The following RNF150 variants were observed in gnomAD, a reference collection of about 807,000 sequenced individuals.
RNF150 encodes ring finger protein 150.
In RNF150, 24 loss-of-function variants were observed where a neutral mutation model predicts 39.3. The observed-to-expected ratio is 0.61, with a 90% confidence interval of 0.44 to 0.86. The LOEUF is 0.86. Ranked by LOEUF, RNF150 falls within the 40% of genes least tolerant of loss-of-function variation. RNF150 has a pLI of 0.00. For synonymous variants in RNF150, 255 were observed against 227.3 expected (o/e 1.12, Z -1.10); for missense variants, 502 against 587.8 (o/e 0.85, Z 1.51).
chr4:141,003,333 G>A (rs1579045195), intron 1 of RNF150, among the ~76,000 whole-genome samples: 2 of 152,256 alleles, frequency 1.3e-5, no homozygotes, highest in East Asian at 3.9e-4. Context: ...CTTAGGCAGT[G>A]CCTCTCCACC....
intron 1 of RNF150, among the ~76,000 whole-genome samples, chr4:141,174,887 GAA>G (rs548297378): frequency 1.1e-3 from 136 of 126,554 alleles, no homozygotes; most frequent in Admixed American, 2.9e-3. Flanking sequence ...CCTGTATCAG[GAA>G]AAAAAAAAAA....
chr4:141,197,089 T>C (rs531746262), intron 1 of RNF150, among the ~76,000 whole-genome samples: 29 of 152,352 alleles, frequency 1.9e-4, no homozygotes, highest in African/African-American at 6.5e-4. Flanking sequence ...TCCTTTGCGC[T>C]ATTTCCTTTT....
chr4:141,071,475 A>G, intron 1 of RNF150, among the ~76,000 whole-genome samples: 1 of 152,080 alleles, frequency 6.6e-6, no homozygotes, highest in Non-Finnish European at 1.5e-5. Flanking sequence ...TCAACAAGAA[A>G]AAAGGAAATA....
At chr4:141,198,558 T>C (rs932065236) in intron 1 of RNF150, among the ~76,000 whole-genome samples, 2 of 152,212 alleles carry the variant, frequency 1.3e-5, no homozygotes, top group African/African-American at 4.8e-5. Context: ...GAAAGTTGAA[T>C]AATGAACAGA....
intron 1 of RNF150, among the ~76,000 whole-genome samples, chr4:141,055,056 C>G (rs1178721062): frequency 6.6e-6 from 1 of 151,916 alleles, no homozygotes; most frequent in Non-Finnish European, 1.5e-5. Context: ...GTTTTTAGCT[C>G]AGAAATTGGT....
At chr4:140,919,730 C>A (rs190045420) in intron 5 of RNF150, among the ~76,000 whole-genome samples, 3,083 of 151,666 alleles carry the variant, frequency 0.02, 69 homozygotes, top group African/African-American at 0.069. Flanking sequence ...CATTGCCAAG[C>A]CAATCCTAAG....
At chr4:140,970,839 C>A (rs10519574) in intron 1 of RNF150, among the ~76,000 whole-genome samples, 68,780 of 151,838 alleles carry the variant, frequency 0.45, 16,554 homozygotes, top group East Asian at 0.74. Flanking sequence ...TGAGCTTCAA[C>A]CTTATTCATT....
intron 6 of RNF150, among the ~76,000 whole-genome samples, chr4:140,877,934 CA>C (rs1329723309): frequency 2.6e-5 from 4 of 152,002 alleles, no homozygotes; most frequent in Non-Finnish European, 5.9e-5. Context: ...AAGCAAATTT[CA>C]AGGCATGTGG....
intron 1 of RNF150, among the ~76,000 whole-genome samples, chr4:141,073,236 T>C (rs931192437): frequency 7.2e-5 from 11 of 152,118 alleles, no homozygotes; most frequent in Non-Finnish European, 2.9e-5. Context: ...ATCAGTTTTC[T>C]GCGAAGGGTC....
intron 1 of RNF150, among the ~76,000 whole-genome samples, chr4:141,032,761 A>G (rs1214140141): frequency 6.6e-6 from 1 of 152,216 alleles, no homozygotes; most frequent in East Asian, 1.9e-4. Context: ...ACAATAAAGC[A>G]AGTCACACAA....
chr4:140,892,223 G>A (rs1729779191), intron 6 of RNF150, among the ~76,000 whole-genome samples: 1 of 152,128 alleles, frequency 6.6e-6, no homozygotes, highest in Non-Finnish European at 1.5e-5. Context: ...CAATGTACGA[G>A]GGCAGATGAC....
chr4:141,146,583 G>A (rs961572402), intron 1 of RNF150, among the ~76,000 whole-genome samples: 6 of 3,924 alleles, frequency 1.5e-3, no homozygotes, highest in Admixed American at 0.012. Flanking sequence ...TCAGCAATAT[G>A]TCTCAGAAAA....
intron 6 of RNF150, among the ~76,000 whole-genome samples, chr4:140,895,857 A>G (rs1032530327): frequency 3.3e-5 from 5 of 152,230 alleles, no homozygotes; most frequent in Non-Finnish European, 5.9e-5. Flanking sequence ...AGATTTTTAA[A>G]GAATTTTTTT....
At chr4:141,183,206 GCTAC>G (rs1482846805) in intron 1 of RNF150, among the ~76,000 whole-genome samples, 1 of 152,068 alleles carries the variant, frequency 6.6e-6, no homozygotes, top group Non-Finnish European at 1.5e-5. Flanking sequence ...TCTTCAAAGG[GCTAC>G]ATATTACCAG....
intron 1 of RNF150, among the ~76,000 whole-genome samples, chr4:141,017,286 C>T (rs1398618443): frequency 1.3e-5 from 2 of 152,098 alleles, no homozygotes; most frequent in Non-Finnish European, 2.9e-5. Flanking sequence ...TAGTCACAGG[C>T]TTAAGATTTG....
At chr4:140,995,867 CATTT>C (rs1358633176) in intron 1 of RNF150, among the ~76,000 whole-genome samples, 1 of 152,012 alleles carries the variant, frequency 6.6e-6, no homozygotes, top group Non-Finnish European at 1.5e-5. Context: ...TTTCTTTGTC[CATTT>C]GTTTGTTGAT....
At chr4:140,876,521 C>T (rs1415574953) in intron 6 of RNF150, among the ~76,000 whole-genome samples, 1 of 152,210 alleles carries the variant, frequency 6.6e-6, no homozygotes, top group Non-Finnish European at 1.5e-5. Flanking sequence ...GGTCTCTGGA[C>T]CGCTTTCCTC....
chr4:141,022,898 T>C (rs1193401415), intron 1 of RNF150, among the ~76,000 whole-genome samples: 1 of 152,144 alleles, frequency 6.6e-6, no homozygotes, highest in Admixed American at 6.5e-5. Flanking sequence ...TAAACTCATT[T>C]CCCCCAACTA....
intron 1 of RNF150, among the ~76,000 whole-genome samples, chr4:141,040,946 A>G (rs570075934): frequency 6.6e-6 from 1 of 152,302 alleles, no homozygotes; most frequent in African/African-American, 2.4e-5. Flanking sequence ...TGGCTCTAAG[A>G]ATACCATCAG....
Sources: allele counts gnomAD v4.1 joint callset (sites outside exome capture counted in the v4.1 genomes callset), GRCh38; gene constraint gnomAD v4.1.1; transcripts MANE v1.5; gene names NCBI Gene and HGNC (gene_info 2026-07-23, HGNC 2026-07-21).